PTPRR: variants seen among roughly 807,000 people sequenced by gnomAD.
PTPRR encodes receptor-type tyrosine-protein phosphatase R.
PTPRR carries 38 observed loss-of-function variants against 77.2 expected under a neutral mutation model. That is an observed-to-expected ratio of 0.49 (90% confidence interval 0.38 to 0.65). The LOEUF is 0.65. Among genes scored for constraint, PTPRR ranks in the 30% least tolerant of loss-of-function variants. The pLI is 0.00. For synonymous variants in PTPRR, 299 were observed against 283.1 expected, an observed-to-expected ratio of 1.06 and a Z score of -0.57; for missense variants, 744 against 799.2, an observed-to-expected ratio of 0.93 and a Z score of 0.83.
intron 5 of PTPRR, among the ~76,000 whole-genome samples, chr12:70,752,099 G>T (rs1380573288): frequency 6.6e-6 from 1 of 152,086 alleles, no homozygotes; most frequent in Admixed American, 6.6e-5. Flanking sequence ...TTCACCATTT[G>T]ATTTTTTAAA....
In PTPRR at chr12:70,761,593, G is replaced by A. The variant is rs1481794987; in HGVS notation, c.505C>T (p.Pro169Ser). ...GAAATTCCTGTTTTTCGGTTTATGG[G>A]AGACACAAACAGTTCAATACTGTTC... ...KKNSIELFVS[P>S]INRKTGISDA... Residue 169 changes from proline (P) to serine (S), a missense_variant, in exon 4 of 14, where the codon CCC becomes TCC. Transcript: ENST00000283228. The A allele has an allele frequency of 1.2e-6, 2 of 1,611,170 alleles. No individual in the cohort carries two copies. Among genetic ancestry groups the A allele is most frequent in the Non-Finnish European group, 1.7e-6 (2 of 1,178,386 alleles).
intron 6 of PTPRR, among the ~76,000 whole-genome samples, chr12:70,726,097 CTT>C (rs34746276): frequency 1.4e-5 from 2 of 143,594 alleles, no homozygotes; most frequent in African/African-American, 2.6e-5. Context: ...AAGAATGATG[CTT>C]TTTTTTTTTG....
At chr12:70,816,825 A>T (rs1190666160) in intron 2 of PTPRR, among the ~76,000 whole-genome samples, 1 of 152,134 alleles carries the variant, frequency 6.6e-6, no homozygotes, top group Non-Finnish European at 1.5e-5. Context: ...TTCAACTTCT[A>T]AGTTACAATG....
Position 70,728,528 on chromosome 12 carries a change from AATATATATATATATATATATATAT to A in PTPRR, c.1007+17266_1007+17289del, listed in dbSNP as rs71068723. Among the ~76,000 whole-genome samples the A allele has an allele frequency of 7.5e-5, 6 of 80,136 alleles. 1 individual carries two copies. Among genetic ancestry groups the A allele is most frequent in the Middle Eastern group, 8.5e-3 (1 of 118 alleles). 52.6% of individuals were successfully genotyped at this position (80,136 alleles called of 152,430 possible). On this transcript the variant is annotated intron_variant, in intron 6 of 13. Transcript: ENST00000283228. The stretch of plus-strand genomic sequence containing the variant: ...TATATGGCAAATATTCCAAAATCTG[AATATATATATATATATATATATAT>A]ATATATATATATGCCAGTTGAGGAT...
intron 2 of PTPRR, among the ~76,000 whole-genome samples, chr12:70,786,813 T>A (rs1192199239): frequency 6.6e-6 from 1 of 152,232 alleles, no homozygotes; most frequent in East Asian, 1.9e-4. Context: ...TGGCATGTGG[T>A]TTTAACATGC....
At position 70,639,135 on chromosome 12, in the gene PTPRR, T is replaced by C. The variant is rs1885889058; in HGVS notation, c.*49A>G. 1 of 1,540,230 alleles carries C rather than the reference T, an allele frequency of 6.5e-7. No individual in the cohort carries two copies. The highest frequency in any genetic ancestry group is 8.9e-7 in the Non-Finnish European group (1 of 1,121,900). Reference sequence around the variant, plus strand: ...CCTTCTAGAAGCCTTGGGTGGGTAATTTGATTAATCACCCCAAGAGATTGA... The same window carrying C: ...CCTTCTAGAAGCCTTGGGTGGGTAACTTGATTAATCACCCCAAGAGATTGA... On this transcript the variant is annotated 3_prime_UTR_variant, in exon 14 of 14. Transcript: ENST00000283228.
intron 2 of PTPRR, among the ~76,000 whole-genome samples, chr12:70,778,694 G>GC (rs1565693683): frequency 2.0e-5 from 3 of 147,072 alleles, no homozygotes; most frequent in Non-Finnish European, 3.0e-5. Context: ...TTTCTCTAAT[G>GC]TTTTTTTTTA....
intron 2 of PTPRR, among the ~76,000 whole-genome samples, chr12:70,796,852 AC>A (rs1396588213): frequency 6.6e-6 from 1 of 152,026 alleles, no homozygotes; most frequent in East Asian, 1.9e-4. Flanking sequence ...ACATGATGAA[AC>A]CCTGTCTCCA....
intron 2 of PTPRR, among the ~76,000 whole-genome samples, chr12:70,775,204 A>AC (rs1555174968): frequency 6.6e-6 from 1 of 151,954 alleles, no homozygotes; most frequent in Non-Finnish European, 1.5e-5. Flanking sequence ...TACAGAAAAA[A>AC]CATACAAAAT....
chr12:70,772,635 T>A (rs1448102926), intron 2 of PTPRR, among the ~76,000 whole-genome samples: 1 of 152,086 alleles, frequency 6.6e-6, no homozygotes, highest in Non-Finnish European at 1.5e-5. Flanking sequence ...GGTCTCTCAA[T>A]GCTTGCATGG....
At chr12:70,702,477 A>G (rs1314575298) in intron 6 of PTPRR, among the ~76,000 whole-genome samples, 1 of 152,186 alleles carries the variant, frequency 6.6e-6, no homozygotes, top group Admixed American at 6.5e-5. Context: ...TGCTAGGCCC[A>G]GCAAATTATT....
At chr12:70,731,460 G>T (rs574249477) in intron 6 of PTPRR, among the ~76,000 whole-genome samples, 1 of 152,258 alleles carries the variant, frequency 6.6e-6, no homozygotes, top group East Asian at 1.9e-4. Context: ...TCACTAATAT[G>T]GAACCACTCA....
At chr12:70,739,988 A>C (rs73341046) in intron 6 of PTPRR, among the ~76,000 whole-genome samples, 2,265 of 152,280 alleles carry the variant, frequency 0.015, 55 homozygotes, top group African/African-American at 0.051. Flanking sequence ...GGTATAGGAC[A>C]TCTGAGGCCC....
rs764615445 is a variant in PTPRR at position 70,662,517 on chromosome 12, G to C, written c.1586C>G (p.Thr529Ser). The change falls in exon 11 of 14, where the codon ACC (threonine) becomes AGC (serine). Residue 529 changes from threonine to serine, a missense_variant. Thr to Ser is a moderately conservative substitution (Grantham distance 58). Transcript: ENST00000283228. ...VISVNECDNYTIRNLVLKQGS... is the reference protein window; with the variant it reads ...VISVNECDNYSIRNLVLKQGS... ...TACCTTTAAGACAAGGTTTCGAATG[G>C]TGTAGTTATCACATTCATTTACACT... The C allele has an allele frequency of 6.8e-5, 110 of 1,605,922 alleles. 2 individuals carry two copies. The South Asian group carries it at 1.2e-3, about 17-fold the overall frequency.
At chr12:70,717,691 C>T (rs1889084086) in intron 6 of PTPRR, among the ~76,000 whole-genome samples, 1 of 152,172 alleles carries the variant, frequency 6.6e-6, no homozygotes, top group Non-Finnish European at 1.5e-5. Context: ...CTACAGAATG[C>T]CTGGCTAACC....
At chr12:70,843,024 T>C (rs888502711) in intron 2 of PTPRR, among the ~76,000 whole-genome samples, 24 of 152,286 alleles carry the variant, frequency 1.6e-4, no homozygotes, top group Middle Eastern at 3.4e-3. Flanking sequence ...TGGAAAAGTA[T>C]TTTACTCCAG....
chr12:70,707,761 A>T (rs1391795202), intron 6 of PTPRR, among the ~76,000 whole-genome samples: 1 of 152,054 alleles, frequency 6.6e-6, no homozygotes, highest in Non-Finnish European at 1.5e-5. Flanking sequence ...ATGTAGCTCA[A>T]ACTCTCTTCC....
intron 13 of PTPRR, among the ~76,000 whole-genome samples, chr12:70,641,577 CA>C (rs371167570): frequency 5.7e-4 from 86 of 152,172 alleles, no homozygotes; most frequent in African/African-American, 2.0e-3. Context: ...TGTGGGCTGG[CA>C]AAATTCTTGC....
rs72472808 is a variant in PTPRR at position 70,665,364 on chromosome 12, C to CTTTTTTTTTTTTTTTTTT, written c.1498-2777_1498-2760dup. On this transcript the variant is annotated intron_variant, in intron 10 of 13. Coordinates refer to ENST00000283228, the MANE Select transcript of PTPRR (RefSeq NM_002849.4). The stretch of plus-strand genomic sequence containing the variant: ...GATGTAACACAAAGCAATGCAAATT[C>CTTTTTTTTTTTTTTTTTT]TTTTTTTTTTTTTTTTTTTTTTTTT... Among the ~76,000 whole-genome samples the CTTTTTTTTTTTTTTTTTT allele has an allele frequency of 2.0e-4, 9 of 44,562 alleles. 1 individual carries two copies. Among genetic ancestry groups the CTTTTTTTTTTTTTTTTTT allele is most frequent in the Admixed American group, 4.0e-4 (1 of 2,520 alleles). The allele number at this position is 44,562 out of a possible 152,430, so 29.2% of individuals were successfully genotyped here. A position where few individuals can be genotyped will look rare whatever the true frequency, so the allele number is the denominator to read the frequency against.
Sources: gnomAD v4.1 joint callset for allele counts (sites outside exome capture counted in the v4.1 genomes callset) on GRCh38, gnomAD v4.1.1 for gene constraint, MANE v1.5 for transcripts, NCBI Gene and HGNC (gene_info 2026-07-23, HGNC 2026-07-21) for gene names.